Variants in FLT1 observed in about 807,000 individuals in gnomAD.
The protein encoded by FLT1 is vascular endothelial growth factor receptor 1.
A neutral mutation model predicts 156.3 loss-of-function variants in FLT1; 49 were observed. The observed-to-expected ratio is 0.31, with a 90% confidence interval of 0.25 to 0.40. The LOEUF (loss-of-function observed/expected upper bound fraction) is 0.40. FLT1 is among the 10% of genes least tolerant of loss of function. The pLI is 1.00. For synonymous variants in FLT1, 594 were observed against 583.8 expected (o/e 1.02, Z -0.25); for missense variants, 1,322 against 1,637.2 (o/e 0.81, Z 3.32).
In FLT1 at chr13:28,462,119, T is replaced by C. The variant is rs143574187; in HGVS notation, c.388+4784A>G. ...GCTTACGGCTGGTGAGAGAGAGATA[T>C]AAGCTAACTTCACAGTGTGGGGAGC... On this transcript the variant is annotated intron_variant, in intron 3 of 29. Transcript: ENST00000282397. 2.0e-4 allele frequency among the ~76,000 whole-genome samples: 30 copies of C among 152,282 alleles called. 1 individual carries two copies. In the East Asian group the frequency reaches 5.2e-3, roughly 26 times the overall value.
At chr13:28,389,752 T>A in intron 13 of FLT1, 44 bp downstream of exon 13, 12 of 1,614,000 alleles carry the variant, frequency 7.4e-6, no homozygotes, top group Non-Finnish European at 1.0e-5. Flanking sequence ...TGCTTTTAAA[T>A]TTGGAGATCC....
Position 28,458,648 on chromosome 13 carries a change from G to T in FLT1, c.388+8255C>A, listed in dbSNP as rs996834055. ...GCTTCTGTCCCAATCATATATCAGG[G>T]TCTTCTATAGTCAAGCTCCCTTAGT... On this transcript the variant is annotated intron_variant, in intron 3 of 29. Coordinates refer to ENST00000282397, the MANE Select transcript of FLT1 (RefSeq NM_002019.4). Among the ~76,000 whole-genome samples the T allele has an allele frequency of 7.2e-5, 11 of 152,334 alleles. No homozygotes were observed. The East Asian group carries it at 1.9e-3, about 27-fold the overall frequency.
At chr13:28,319,197 T>C (rs780022275) in intron 24 of FLT1, among the ~76,000 whole-genome samples, 1 of 152,208 alleles carries the variant, frequency 6.6e-6, no homozygotes, top group African/African-American at 2.4e-5. Flanking sequence ...CCCTTTTACA[T>C]GACCTTGTTC....
At chr13:28,383,385 C>T (rs1159237833) in intron 14 of FLT1, among the ~76,000 whole-genome samples, 8 of 152,088 alleles carry the variant, frequency 5.3e-5, no homozygotes, top group African/African-American at 1.2e-4. Context: ...AACCTAGAGC[C>T]GGGTGTGGTG....
At chr13:28,385,401 G>T in intron 13 of FLT1, 1 of 631,848 alleles carries the variant, frequency 1.6e-6, no homozygotes, top group African/African-American at 2.0e-5. Flanking sequence ...GTATAGTCTT[G>T]TAATGATTTT....
intron 4 of FLT1, among the ~76,000 whole-genome samples, chr13:28,437,686 T>C (rs957628034): frequency 2.6e-5 from 4 of 152,238 alleles, no homozygotes; most frequent in African/African-American, 7.2e-5. Context: ...GTTTCACGTA[T>C]GGCCTTCTTT....
At chr13:28,433,445 A>C (rs1269363553) in intron 6 of FLT1, among the ~76,000 whole-genome samples, 1 of 152,228 alleles carries the variant, frequency 6.6e-6, no homozygotes, top group Non-Finnish European at 1.5e-5. Context: ...CCTCCTGGAA[A>C]GTTGTTGTTG....
At chr13:28,444,019 T>C (rs1446014020) in intron 3 of FLT1, among the ~76,000 whole-genome samples, 3 of 152,062 alleles carry the variant, frequency 2.0e-5, no homozygotes, top group African/African-American at 7.2e-5. Flanking sequence ...GAGGAAGATA[T>C]AACAATTAAA....
Position 28,494,920 on chromosome 13 carries a change from C to T in FLT1, c.-77G>A. ...CGACCCGGCCGCCAGAGTCCGTCCT[C>T]TCGTTCGCCGCCGCCGGCCCCGCGC... On this transcript the variant is annotated 5_prime_UTR_variant, in exon 1 of 30. Coordinates refer to ENST00000282397, the MANE Select transcript of FLT1 (RefSeq NM_002019.4). 8.2e-7 allele frequency: 1 copy of T among 1,218,890 alleles called. No homozygotes were observed. The highest frequency in any genetic ancestry group is 1.1e-6 in the Non-Finnish European group (1 of 901,754). 75.5% of individuals were successfully genotyped at this position (1,218,890 alleles called of 1,614,324 possible).
In FLT1 at chr13:28,300,521, C is replaced by CCACACACCCACACACA. The variant is rs58634271; in HGVS notation, c.*2645_*2646insTGTGTGTGGGTGTGTG. Reference sequence around the variant, plus strand: ...AGTTATGCACAAAACACACATACACCCACACACACACACACACACACACAC... The same window carrying CCACACACCCACACACA: ...AGTTATGCACAAAACACACATACACCCACACACCCACACACACACACACACACACACACACACACAC... On this transcript the variant is annotated 3_prime_UTR_variant, in exon 30 of 30. Transcript: ENST00000282397. 6.6e-4 allele frequency: 149 copies of CCACACACCCACACACA among 225,628 alleles called. 1 individual carries two copies. Among genetic ancestry groups the CCACACACCCACACACA allele is most frequent in the African/African-American group, 3.0e-3 (130 of 42,868 alleles). The allele number at this position is 225,628 out of a possible 1,614,324, so 14.0% of individuals were successfully genotyped here.
intron 27 of FLT1, among the ~76,000 whole-genome samples, chr13:28,310,172 G>A (rs1334532499): frequency 6.6e-6 from 1 of 152,132 alleles, no homozygotes; most frequent in African/African-American, 2.4e-5. Context: ...TTACAGGCGT[G>A]AGCCACTGTG....
intron 1 of FLT1, among the ~76,000 whole-genome samples, chr13:28,491,293 A>C (rs1881459551): frequency 1.3e-5 from 2 of 152,238 alleles, no homozygotes; most frequent in Admixed American, 1.3e-4. Flanking sequence ...AAGTAGACTC[A>C]ATTTTAAATA....
chr13:28,376,428 A>G (rs1873842247), intron 14 of FLT1, among the ~76,000 whole-genome samples: 1 of 152,264 alleles, frequency 6.6e-6, no homozygotes, highest in Non-Finnish European at 1.5e-5. Context: ...TTTAGCTTAA[A>G]TAATAGTTTG....
chr13:28,420,296 G>C (rs1876926134), intron 10 of FLT1, among the ~76,000 whole-genome samples: 1 of 152,210 alleles, frequency 6.6e-6, no homozygotes, highest in Admixed American at 6.5e-5. Context: ...TTGGCTGTTT[G>C]TTCAAGCTCA....
Position 28,390,091 on chromosome 13 carries a change from C to T in FLT1, c.1674G>A (p.Gly558=). The T allele has an allele frequency of 1.2e-6, 2 of 1,613,676 alleles. No individual in the cohort carries two copies. The highest frequency in any genetic ancestry group is 2.2e-5 in the East Asian group (1 of 44,886). ...ISFYITDVPN[G]FHVNLEKMPT... is the part of the protein sequence containing the mutation. ...GCATTTTTTCCAAGTTAACATGAAA[C>T]CCATTTGGCACATCTATAAAATAAG... The change falls in exon 13 of 30, where the codon GGG becomes GGA. Residue 558 remains glycine (G), a synonymous_variant. Transcript: ENST00000282397.
At chr13:28,412,381 T>TTTTCC (rs1876321922) in intron 10 of FLT1, among the ~76,000 whole-genome samples, 2 of 88,208 alleles carry the variant, frequency 2.3e-5, no homozygotes, top group Non-Finnish European at 5.0e-5. Flanking sequence ...TCTTTCTTTC[T>TTTTCC]TTCTTTCTTT....
At chr13:28,431,335 GT>G (rs1566023713) in intron 6 of FLT1, 25 bp from the exon 7 acceptor site, 1 of 1,543,314 alleles carries the variant, frequency 6.5e-7, no homozygotes, top group Admixed American at 1.7e-5. Context: ...TATAACAAAT[GT>G]AGAAGGAGTG....
chr13:28,318,310 TG>T lies in FLT1; in HGVS notation c.3287-714del, dbSNP rs538906151. Among the ~76,000 whole-genome samples, 554 of 151,976 alleles carry T rather than the reference TG, an allele frequency of 3.6e-3. 3 individuals are homozygous for T. Among genetic ancestry groups the T allele is most frequent in the Non-Finnish European group, 5.9e-3 (401 of 67,940 alleles). Reference sequence around the variant, plus strand: ...CAGGGCTGGGCTGAATGGAGTGGAATGGGGTGGGGGCTGCCCGTGGCCAGGA... The same window carrying T: ...CAGGGCTGGGCTGAATGGAGTGGAATGGGTGGGGGCTGCCCGTGGCCAGGA... On this transcript the variant is annotated intron_variant, in intron 24 of 29. Transcript: ENST00000282397.
chr13:28,449,942 C>T (rs1325289606), intron 3 of FLT1, among the ~76,000 whole-genome samples: 2 of 152,210 alleles, frequency 1.3e-5, no homozygotes, highest in African/African-American at 4.8e-5. Context: ...CCTCTGGCTT[C>T]GCCTAAGCCC....
Sources: allele counts gnomAD v4.1 joint callset (sites outside exome capture counted in the v4.1 genomes callset), GRCh38; gene constraint gnomAD v4.1.1; transcripts MANE v1.5; gene names NCBI Gene and HGNC (gene_info 2026-07-23, HGNC 2026-07-21).